Variants in GALK2 observed in about 807,000 individuals in gnomAD.
GALK2 encodes the protein N-acetylgalactosamine kinase.
GALK2 carries 36 observed loss-of-function variants against 52.4 expected under a neutral mutation model. The ratio of observed to expected loss-of-function variants is 0.69; its 90% CI spans 0.53 to 0.91. The LOEUF (loss-of-function observed/expected upper bound fraction) is 0.91, where lower values mean the gene tolerates loss of function less well. Ranked by LOEUF, GALK2 falls within the 40% of genes least tolerant of loss-of-function variation. The pLI is 0.00. For synonymous variants in GALK2, 176 were observed against 199.1 expected (o/e 0.88, Z 0.98); for missense variants, 579 against 559.1 (o/e 1.04, Z -0.36).
At chr15:49,185,577 C>T (rs2086281937) in intron 1 of GALK2, 1 of 152,160 alleles carries the variant, frequency 6.6e-6, no homozygotes, top group African/African-American at 2.4e-5. Context: ...TTTACATTTC[C>T]ATCAACAGTG....
intron 3 of GALK2, among the ~76,000 whole-genome samples, chr15:49,223,947 A>C (rs2089980159): frequency 6.6e-6 from 1 of 151,816 alleles, no homozygotes; most frequent in African/African-American, 2.4e-5. Context: ...TTCTGTTTTA[A>C]GTTCTGTGAG....
rs1331257399 is a variant in GALK2, at chr15:49,267,243, A to G, written c.505-14744A>G. Among the ~76,000 whole-genome samples the G allele has an allele frequency of 2.6e-5, 4 of 152,160 alleles. No homozygotes were observed. The South Asian group carries it at 6.2e-4, about 24-fold the overall frequency. Reference sequence around the variant, plus strand: ...AGTGAATGGGAAATTAAACATCAGGAGTAATGAGGATTCCAGCTAACCTGA... The same window carrying G: ...AGTGAATGGGAAATTAAACATCAGGGGTAATGAGGATTCCAGCTAACCTGA... On this transcript the variant is annotated intron_variant, in intron 5 of 9. Transcript: ENST00000560031.
chr15:49,192,485 G>GTATATATATATATATA lies in GALK2; in HGVS notation c.54-8652_54-8637dup, dbSNP rs58230206. ...TCTGCAATGAATATTATATATATATGTATATATATATATATATATATATAT... is the reference window on the plus strand; with the variant it reads ...TCTGCAATGAATATTATATATATATGTATATATATATATATATATATATATATATATATATATATAT... On this transcript the variant is annotated intron_variant, in intron 1 of 9. Coordinates refer to ENST00000560031, the MANE Select transcript of GALK2 (RefSeq NM_002044.4). Among the ~76,000 whole-genome samples, 23 of 102,968 alleles carry GTATATATATATATATA rather than the reference G, an allele frequency of 2.2e-4. 2 individuals carry two copies. The highest frequency in any genetic ancestry group is 6.4e-4 in the South Asian group (2 of 3,148). The allele number at this position is 102,968 out of a possible 152,430, so 67.6% of individuals were successfully genotyped here.
At chr15:49,215,519 C>G (rs1004763598) in intron 2 of GALK2, among the ~76,000 whole-genome samples, 2 of 152,260 alleles carry the variant, frequency 1.3e-5, no homozygotes, top group Non-Finnish European at 2.9e-5. Flanking sequence ...TTGAGAGACT[C>G]TGAGACATTT....
At chr15:49,344,913 A>T (rs1350026443) in intron 3 of GALK2, among the ~76,000 whole-genome samples, 1 of 152,206 alleles carries the variant, frequency 6.6e-6, no homozygotes, top group East Asian at 1.9e-4. Context: ...AGCTGCAGAA[A>T]ATTGAATATT....
chr15:49,232,874 A>G (rs2090581124), intron 3 of GALK2, among the ~76,000 whole-genome samples: 1 of 152,140 alleles, frequency 6.6e-6, no homozygotes, highest in Admixed American at 6.5e-5. Flanking sequence ...CATTGTCCAT[A>G]TCACTATCAG....
chr15:49,314,712 C>T (rs1439868988), intron 8 of GALK2, among the ~76,000 whole-genome samples: 3 of 152,184 alleles, frequency 2.0e-5, no homozygotes, highest in Admixed American at 6.5e-5. Context: ...CAACCACAAA[C>T]CAATGAACAA....
At chr15:49,192,485 G>GTATATATATATATATATA (rs58230206) in intron 1 of GALK2, among the ~76,000 whole-genome samples, 11 of 102,966 alleles carry the variant, frequency 1.1e-4, no homozygotes, top group East Asian at 3.0e-4. Flanking sequence ...ATATATATAT[G>GTATATATATATATATATA]TATATATATA....
chr15:49,271,971 C>T (rs1453684343), intron 5 of GALK2, among the ~76,000 whole-genome samples: 4 of 152,188 alleles, frequency 2.6e-5, no homozygotes, highest in African/African-American at 9.6e-5. Context: ...TGTCTGCCTC[C>T]TAGAACTTAT....
At chr15:49,284,328 G>T (rs928664028) in intron 7 of GALK2, among the ~76,000 whole-genome samples, 2 of 152,192 alleles carry the variant, frequency 1.3e-5, no homozygotes, top group African/African-American at 4.8e-5. Flanking sequence ...TAGGACATGG[G>T]ACTAGAGAGA....
chr15:49,215,982 G>T (rs1305951586), intron 2 of GALK2, among the ~76,000 whole-genome samples: 5 of 152,226 alleles, frequency 3.3e-5, no homozygotes, highest in Non-Finnish European at 7.3e-5. Context: ...CAGGAATGCT[G>T]CAATTCTTCC....
In GALK2 at chr15:49,330,177, C is replaced by T. The variant is rs2151132902; in HGVS notation, c.*2018C>T. 6.6e-6 allele frequency: 1 copy of T among 152,320 alleles called. No individual in the cohort carries two copies. The highest frequency in any genetic ancestry group is 3.4e-3 in the Middle Eastern group (1 of 296). 9.4% of individuals were successfully genotyped at this position (152,320 alleles called of 1,614,324 possible). A position where few individuals can be genotyped will look rare whatever the true frequency, so the allele number is the denominator to read the frequency against. On this transcript the variant is annotated 3_prime_UTR_variant, in exon 10 of 10. Coordinates refer to ENST00000560031, the MANE Select transcript of GALK2 (RefSeq NM_002044.4). ...GAGTGCACACTGCAGATGAGCAAAG[C>T]CTATGGGTATAGGCAAACATGGTGT... is the stretch of plus-strand genomic sequence containing the variant.
intron 1 of GALK2, among the ~76,000 whole-genome samples, chr15:49,195,811 A>G (rs2087174905): frequency 6.7e-6 from 1 of 150,066 alleles, no homozygotes. Context: ...GTGGCAAAAG[A>G]GAGGGGCTTT....
intron 1 of GALK2, among the ~76,000 whole-genome samples, chr15:49,182,243 G>T (rs899479842): frequency 2.6e-5 from 4 of 152,140 alleles, no homozygotes; most frequent in African/African-American, 9.7e-5. Context: ...GAGAACGTAT[G>T]AAGTTTGTAT....
At chr15:49,365,253 C>T in intron 3 of GALK2, 1 of 1,181,860 alleles carries the variant, frequency 8.5e-7, no homozygotes, top group Admixed American at 1.7e-5. Context: ...CAGGCAACAA[C>T]TGAGGCAATA....
At chr15:49,335,826 T>C (rs571301154), downstream of GALK2, among the ~76,000 whole-genome samples, 17 of 152,362 alleles carry the variant, frequency 1.1e-4, no homozygotes, top group East Asian at 3.1e-3. Context: ...TACCAAAATA[T>C]TAAAAATGTA....
intron 3 of GALK2, among the ~76,000 whole-genome samples, chr15:49,234,091 A>C (rs1177402131): frequency 6.6e-6 from 1 of 152,222 alleles, no homozygotes; most frequent in South Asian, 2.1e-4. Context: ...GTAGATATTT[A>C]GTCAGTTATA....
chr15:49,157,438 T>G (rs2084497375), intron 1 of GALK2, among the ~76,000 whole-genome samples: 1 of 152,110 alleles, frequency 6.6e-6, no homozygotes, highest in African/African-American at 2.4e-5. Flanking sequence ...TTTGAATTGG[T>G]TTTAAGTATG....
At chr15:49,250,440 C>T (rs2091542377) in intron 5 of GALK2, among the ~76,000 whole-genome samples, 1 of 152,098 alleles carries the variant, frequency 6.6e-6, no homozygotes, top group East Asian at 1.9e-4. Flanking sequence ...ATGTTTTATG[C>T]ACATCAACTC....
Sources: allele counts gnomAD v4.1 joint callset (sites outside exome capture counted in the v4.1 genomes callset), GRCh38; gene constraint gnomAD v4.1.1; transcripts MANE v1.5; gene names NCBI Gene and HGNC (gene_info 2026-07-23, HGNC 2026-07-21).